The following CLCC1 variants were observed in gnomAD, a reference collection of about 807,000 sequenced individuals.
CLCC1 encodes chloride channel CLIC like 1, also known as chloride channel CLIC-like protein 1.
CLCC1 carries 39 observed loss-of-function variants against 63.3 expected under a neutral mutation model. That is an observed-to-expected ratio of 0.62 (90% CI 0.48 to 0.81). The LOEUF is 0.81. Among genes scored for constraint, CLCC1 ranks in the 30% least tolerant of loss-of-function variants. CLCC1 has a pLI of 0.00. For synonymous variants in CLCC1, 217 were observed against 239.8 expected (o/e 0.90, Z 0.88); for missense variants, 549 against 669.4 (o/e 0.82, Z 1.98).
Position 108,940,105 on chromosome 1 carries a change from T to C in CLCC1, c.834A>G (p.Pro278=). The C allele has an allele frequency of 6.2e-7, 1 of 1,613,784 alleles. No individual in the cohort carries two copies. Among genetic ancestry groups the C allele is most frequent in the Non-Finnish European group, 8.5e-7 (1 of 1,179,732 alleles). The change falls in exon 9 of 13, where the codon CCA becomes CCG. Residue 278 remains proline (P), a synonymous_variant. Coordinates refer to ENST00000369969, the MANE Select transcript of CLCC1 (RefSeq NM_001377458.1). ...FRSSWTYKDD[P]CQKYYELLLV... is the part of the protein sequence containing the mutation. ...GTAAGAGCTCATAGTATTTTTGGCA[T>C]GGGTCATCCTTATAGGTCCATGAAC... is the stretch of plus-strand genomic sequence containing the variant.
At chr1:108,942,299 T>C (rs987800967) in intron 7 of CLCC1, among the ~76,000 whole-genome samples, 5 of 152,192 alleles carry the variant, frequency 3.3e-5, no homozygotes, top group African/African-American at 1.2e-4. Context: ...CTACTTCTTA[T>C]TTTCTTTTAT....
chr1:108,954,603 T>C (rs1176982444), intron 2 of CLCC1, among the ~76,000 whole-genome samples: 1 of 151,208 alleles, frequency 6.6e-6, no homozygotes, highest in Non-Finnish European at 1.5e-5. Flanking sequence ...AAAGATGTGG[T>C]ACTTGGCCTA....
Position 108,937,278 on chromosome 1 carries a change from A to T in CLCC1, c.1182T>A (p.Gly394=). 6.2e-7 allele frequency: 1 copy of T among 1,614,176 alleles called. No homozygotes were observed. The highest frequency in any genetic ancestry group is 8.5e-7 in the Non-Finnish European group (1 of 1,180,034). ...EIDYRPDGGA[G]DADFHYRGQM... is the part of the protein sequence containing the mutation. ...GGCCCCTATAATGGAAATCGGCATC[A>T]CCTGCTCCACCATCAGGTCTATAAT... Residue 394 remains glycine, a synonymous_variant, in exon 11 of 13, where the codon GGT becomes GGA. Coordinates refer to ENST00000369969, the MANE Select transcript of CLCC1 (RefSeq NM_001377458.1).
intron 2 of CLCC1, among the ~76,000 whole-genome samples, chr1:108,957,565 C>A (rs911570318): frequency 6.6e-6 from 1 of 151,544 alleles, no homozygotes; most frequent in Non-Finnish European, 1.5e-5. Flanking sequence ...CTTATAACAT[C>A]TCTTGCTACT....
At chr1:108,952,615 A>C (rs2101695876) in intron 2 of CLCC1, among the ~76,000 whole-genome samples, 1 of 152,166 alleles carries the variant, frequency 6.6e-6, no homozygotes, top group Non-Finnish European at 1.5e-5. Flanking sequence ...CCTGGCCAAC[A>C]AGTTGAAACC....
chr1:108,944,464 G>T (rs1336384389), intron 5 of CLCC1, among the ~76,000 whole-genome samples: 1 of 150,630 alleles, frequency 6.6e-6, no homozygotes, highest in African/African-American at 2.4e-5. Flanking sequence ...GTAAGACCCT[G>T]TCTCTAAAAA....
Position 108,947,684 on chromosome 1 carries a change from T to G in CLCC1, c.266A>C (p.Tyr89Ser). 1 of 1,611,044 alleles carries G rather than the reference T, an allele frequency of 6.2e-7. No individual in the cohort carries two copies. Among genetic ancestry groups the G allele is most frequent in the Non-Finnish European group, 8.5e-7 (1 of 1,178,614 alleles). Residue 89 changes from tyrosine to serine, a missense_variant, in exon 5 of 13, where the codon TAT becomes TCT. Transcript: ENST00000369969. ...AAAAACAGGATTGCTTTGACTTTCA[T>G]AGTCTTCCCTCTTTTTCTTTTCACA... ...DECEKKKREDYESQSNPVFRR... is the reference protein window; with the variant it reads ...DECEKKKREDSESQSNPVFRR...
At chr1:108,937,794 A>G (rs1653236605) in intron 10 of CLCC1, among the ~76,000 whole-genome samples, 1 of 152,252 alleles carries the variant, frequency 6.6e-6, no homozygotes, top group South Asian at 2.1e-4. Context: ...GTTGTATATC[A>G]TTATGTAAAC....
In CLCC1 at chr1:108,941,803, G is replaced by A. The variant is rs12759407; in HGVS notation, c.703-305C>T. Among the ~76,000 whole-genome samples the A allele has an allele frequency of 2.7e-3, 412 of 152,034 alleles. 6 individuals carry two copies. Among genetic ancestry groups the A allele is most frequent in the East Asian group, 0.019 (99 of 5,138 alleles). On this transcript the variant is annotated intron_variant, in intron 7 of 12. Coordinates refer to ENST00000369969, the MANE Select transcript of CLCC1 (RefSeq NM_001377458.1). ...CGAGTAGCTGGGATTAAAGGTGCCC[G>A]CTACCACGCCCAGCTAATTTTTGTA...
chr1:108,940,601 T>TTA (rs1653717570), intron 8 of CLCC1, among the ~76,000 whole-genome samples: 1 of 152,218 alleles, frequency 6.6e-6, no homozygotes, highest in Non-Finnish European at 1.5e-5. Context: ...ACTGTGTGAA[T>TTA]CCACAATTAC....
In CLCC1 at chr1:108,958,065, G is replaced by C. The variant is rs189434096; in HGVS notation, c.-12+4244C>G. Among the ~76,000 whole-genome samples, 3 of 151,396 alleles carry C rather than the reference G, an allele frequency of 2.0e-5. No individual in the cohort carries two copies. In the East Asian group the frequency reaches 5.8e-4, roughly 29 times the overall value. ...AGAGCAGACAAATATGTTGAATGCC[G>C]CTAAGAGGTCAGGCGATCAGAGGGC... On this transcript the variant is annotated intron_variant, in intron 2 of 12. Coordinates refer to ENST00000369969, the MANE Select transcript of CLCC1 (RefSeq NM_001377458.1).
chr1:108,939,232 TAATA>T (rs540312995), intron 10 of CLCC1, among the ~76,000 whole-genome samples: 1,950 of 145,762 alleles, frequency 0.013, 31 homozygotes, highest in South Asian at 0.061. Context: ...ATATTATATA[TAATA>T]AATATATAAA....
chr1:108,935,267 A>G (rs1177977030), intron 11 of CLCC1, among the ~76,000 whole-genome samples: 1 of 152,258 alleles, frequency 6.6e-6, no homozygotes, highest in Non-Finnish European at 1.5e-5. Flanking sequence ...TTTCTTGAGC[A>G]TATATTAAGT....
At position 108,949,887 on chromosome 1, in the gene CLCC1, C is replaced by A; in HGVS notation, c.164G>T (p.Ser55Ile). The A allele has an allele frequency of 6.2e-7, 1 of 1,602,244 alleles. No individual in the cohort carries two copies. Among genetic ancestry groups the A allele is most frequent in the Non-Finnish European group, 8.5e-7 (1 of 1,176,066 alleles). ...KYGISGEKDV[S>I]PDLSCADEIS... ...TTCATCAGCACATGACAAGTCAGGA[C>A]TGACATCCTTTTCCCCTGAAATACC... The change falls in exon 4 of 13, where the codon AGT becomes ATT. Residue 55 changes from serine to isoleucine, a missense_variant. Physicochemically the swap from Ser to Ile is moderately radical, Grantham distance 142. Transcript: ENST00000369969.
Position 108,929,805 on chromosome 1 carries a change from A to G in CLCC1, c.*2742T>C, listed in dbSNP as rs200841293. On this transcript the variant is annotated 3_prime_UTR_variant, in exon 13 of 13. Coordinates refer to ENST00000369969, the MANE Select transcript of CLCC1 (RefSeq NM_001377458.1). ...TCAGCCTTATTTTACGGTCCCAGGG[A>G]AAGAGAATGGATGAACAGAGAGTTC... The G allele has an allele frequency of 1.9e-5, 30 of 1,614,150 alleles. No homozygotes were observed. The highest frequency in any genetic ancestry group is 2.4e-5 in the Non-Finnish European group (28 of 1,179,982).
At chr1:108,941,376 A>G in intron 8 of CLCC1, 29 bp downstream of exon 8, 1 of 1,572,504 alleles carries the variant, frequency 6.4e-7, no homozygotes. Flanking sequence ...TTTCTATTCA[A>G]AATAAGGACA....
intron 11 of CLCC1, among the ~76,000 whole-genome samples, chr1:108,936,749 C>T (rs1653074686): frequency 6.6e-6 from 1 of 152,216 alleles, no homozygotes; most frequent in South Asian, 2.1e-4. Context: ...GAGCTCCGGG[C>T]CTTCAGTGAT....
At chr1:108,950,040 A>C in intron 3 of CLCC1, 119 bp from the exon 4 acceptor site, 1 of 710,906 alleles carries the variant, frequency 1.4e-6, no homozygotes, top group Non-Finnish European at 2.3e-6. Context: ...TTATATTCTT[A>C]AATTGTACTG....
intron 5 of CLCC1, among the ~76,000 whole-genome samples, chr1:108,945,928 C>G (rs981806940): frequency 6.6e-6 from 1 of 151,596 alleles, no homozygotes; most frequent in African/African-American, 2.4e-5. Context: ...TTTGGGAGGC[C>G]GAGGCGGTCA....
Sources: gnomAD v4.1 joint callset for allele counts (sites outside exome capture counted in the v4.1 genomes callset) on GRCh38, gnomAD v4.1.1 for gene constraint, MANE v1.5 for transcripts, NCBI Gene and HGNC (gene_info 2026-07-23, HGNC 2026-07-21) for gene names.